HGSNAT: variants seen among roughly 807,000 people sequenced by gnomAD.
The protein encoded by HGSNAT is heparan-alpha-glucosaminide N-acetyltransferase, also known as transmembrane protein 76.
A neutral mutation model predicts 85.2 loss-of-function variants in HGSNAT; 59 were observed. The ratio of observed to expected loss-of-function variants is 0.69; its 90% confidence interval spans 0.56 to 0.86. The LOEUF (loss-of-function observed/expected upper bound fraction) is 0.86. HGSNAT is among the 40% of genes least tolerant of loss of function. The pLI, the probability that HGSNAT is intolerant of heterozygous loss-of-function variation, is 0.00. For missense variants in HGSNAT, 756 were observed against 777.1 expected (o/e 0.97, Z 0.32); for synonymous variants, 321 against 304.5 (o/e 1.05, Z -0.56).
At chr8:43,148,851 G>T (rs986481677) in intron 2 of HGSNAT, among the ~76,000 whole-genome samples, 1 of 151,376 alleles carries the variant, frequency 6.6e-6, no homozygotes, top group Non-Finnish European at 1.5e-5. Flanking sequence ...GTGCACGGTG[G>T]CTCACTCTTA....
chr8:43,187,773 T>C (rs1225104270), intron 11 of HGSNAT, among the ~76,000 whole-genome samples: 1 of 152,232 alleles, frequency 6.6e-6, no homozygotes, highest in Non-Finnish European at 1.5e-5. Context: ...TTTTGCAGTG[T>C]CTGGTACCGG....
At chr8:43,167,381 C>A (rs1356345972) in intron 5 of HGSNAT, among the ~76,000 whole-genome samples, 1 of 152,204 alleles carries the variant, frequency 6.6e-6, no homozygotes, top group Non-Finnish European at 1.5e-5. Context: ...ACAGCCACCT[C>A]AACCTACGGC....
At chr8:43,196,399 G>T (rs1191475472) in intron 14 of HGSNAT, 4 of 1,212,068 alleles carry the variant, frequency 3.3e-6, no homozygotes, top group Admixed American at 2.3e-5. Context: ...CCCTGCCTCT[G>T]GTTCCACCCT....
At chr8:43,142,806 G>GA (rs970879650) in intron 1 of HGSNAT, among the ~76,000 whole-genome samples, 2 of 152,170 alleles carry the variant, frequency 1.3e-5, no homozygotes. Context: ...TAGTAACAAT[G>GA]ACAATGAAGA....
chr8:43,173,888 C>A, intron 9 of HGSNAT, 145 bp downstream of exon 9: 1 of 816,210 alleles, frequency 1.2e-6, no homozygotes, highest in South Asian at 1.7e-5. Context: ...GGATAGTTCT[C>A]ATACTTGACC....
At chr8:43,147,303 C>A (rs1000392387) in intron 2 of HGSNAT, among the ~76,000 whole-genome samples, 2 of 152,150 alleles carry the variant, frequency 1.3e-5, no homozygotes, top group African/African-American at 4.8e-5. Context: ...GGATGAACAA[C>A]CTTGATAGAC....
At chr8:43,181,886 T>A (rs1316334156) in intron 10 of HGSNAT, 1 of 490,034 alleles carries the variant, frequency 2.0e-6, no homozygotes, top group African/African-American at 1.9e-5. Context: ...TCCCAGTCTC[T>A]CATCTGGCCA....
chr8:43,191,033 A>G (rs1023205027), intron 11 of HGSNAT, among the ~76,000 whole-genome samples: 6 of 152,070 alleles, frequency 3.9e-5, no homozygotes, highest in African/African-American at 1.2e-4. Flanking sequence ...GGCTGCTTCC[A>G]CTTAGCATAT....
chr8:43,191,207 A>G (rs1804515220), intron 11 of HGSNAT, among the ~76,000 whole-genome samples: 1 of 152,154 alleles, frequency 6.6e-6, no homozygotes, highest in African/African-American at 2.4e-5. Flanking sequence ...TCCTATATGT[A>G]TGTGTACAAG....
intron 1 of HGSNAT, among the ~76,000 whole-genome samples, chr8:43,142,411 C>T (rs1043025513): frequency 1.3e-5 from 2 of 152,012 alleles, no homozygotes; most frequent in Non-Finnish European, 2.9e-5. Context: ...TATTTGATGA[C>T]TTATTTGATG....
chr8:43,150,834 AAAATAAATAAAT>A lies in HGSNAT; in HGVS notation c.234+3795_234+3806del, dbSNP rs144266684. The stretch of plus-strand genomic sequence containing the variant: ...GGGTGACAGAGCGAGACTCCGTTTC[AAAATAAATAAAT>A]AAATAAATAAATAAATAAATAAAAT... On this transcript the variant is annotated intron_variant, in intron 2 of 17. Coordinates refer to ENST00000379644, the MANE Select transcript of HGSNAT (RefSeq NM_152419.3). 1.9e-3 allele frequency among the ~76,000 whole-genome samples: 279 copies of A among 147,178 alleles called. 3 individuals are homozygous for A. Among genetic ancestry groups the A allele is most frequent in the Middle Eastern group, 0.014 (4 of 286 alleles).
Position 43,197,693 on chromosome 8 carries a change from A to G in HGSNAT, c.1564A>G (p.Thr522Ala). Residue 522 changes from threonine to alanine, a missense_variant, in exon 16 of 18, where the codon ACG becomes GCG. Physicochemically the swap from Thr to Ala is moderately conservative, Grantham distance 58 (BLOSUM62 0). Coordinates refer to ENST00000379644, the MANE Select transcript of HGSNAT (RefSeq NM_152419.3). ...CILGLISVAL[T>A]KVSENEGFIP... ...ACAGGGGCTCATTTCTGTTGCTCTG[A>G]CGAAGGTTTCTGAAAATGAAGGCTT... 6 of 1,613,152 alleles carry G rather than the reference A, an allele frequency of 3.7e-6. No individual in the cohort carries two copies. The highest frequency in any genetic ancestry group is 5.1e-6 in the Non-Finnish European group (6 of 1,179,110).
intron 1 of HGSNAT, 82 bp from the exon 2 acceptor site, chr8:43,146,866 G>A: frequency 1.3e-6 from 1 of 758,800 alleles, no homozygotes; most frequent in Non-Finnish European, 2.1e-6. Context: ...GGAAGCAACT[G>A]TTCACACGAA....
intron 1 of HGSNAT, among the ~76,000 whole-genome samples, chr8:43,143,936 A>G (rs1802633193): frequency 6.6e-6 from 1 of 152,090 alleles, no homozygotes; most frequent in African/African-American, 2.4e-5. Flanking sequence ...CAACCATCAC[A>G]GTTGTCATTA....
rs540422228 is a variant in HGSNAT, at chr8:43,163,371, G to A, written c.563+1864G>A. 2.0e-5 allele frequency among the ~76,000 whole-genome samples: 3 copies of A among 152,146 alleles called. No homozygotes were observed. The South Asian group carries it at 6.2e-4, about 32-fold the overall frequency. ...GCCCCCTCGCTTTCCAACATACCCA[G>A]GGAGGTTCAGATGACTGTGAGCCAA... On this transcript the variant is annotated intron_variant, in intron 5 of 17. Transcript: ENST00000379644.
chr8:43,194,314 C>T (rs1249301560), intron 14 of HGSNAT: 1 of 833,876 alleles, frequency 1.2e-6, no homozygotes, highest in Non-Finnish European at 1.4e-6. Flanking sequence ...AGGAGTATGG[C>T]TTGAACCAAG....
At chr8:43,145,345 A>G (rs1057483417) in intron 1 of HGSNAT, among the ~76,000 whole-genome samples, 1 of 152,188 alleles carries the variant, frequency 6.6e-6, no homozygotes, top group Admixed American at 6.6e-5. Context: ...CCATGGCTCA[A>G]TCTCTACCCC....
intron 11 of HGSNAT, among the ~76,000 whole-genome samples, chr8:43,183,683 C>T (rs937566027): frequency 1.3e-5 from 2 of 152,042 alleles, no homozygotes; most frequent in Admixed American, 6.6e-5. Context: ...ATGTGCACAA[C>T]GTGCAGGTTT....
In HGSNAT at chr8:43,199,686, C is replaced by A; in HGVS notation, c.*117C>A. 1 of 733,888 alleles carries A rather than the reference C, an allele frequency of 1.4e-6. No individual in the cohort carries two copies. The highest frequency in any genetic ancestry group is 2.0e-6 in the Non-Finnish European group (1 of 495,184). The allele number at this position is 733,888 out of a possible 1,614,324, so 45.5% of individuals were successfully genotyped here. ...AATTGACTGGCTGCGTGTTTACAGACTCTGGGGGAAGACACTGATGTCCTC... is the reference window on the plus strand; with the variant it reads ...AATTGACTGGCTGCGTGTTTACAGAATCTGGGGGAAGACACTGATGTCCTC... On this transcript the variant is annotated 3_prime_UTR_variant, in exon 18 of 18. Coordinates refer to ENST00000379644, the MANE Select transcript of HGSNAT (RefSeq NM_152419.3).
Sources: allele counts gnomAD v4.1 joint callset (sites outside exome capture counted in the v4.1 genomes callset), GRCh38; gene constraint gnomAD v4.1.1; transcripts MANE v1.5; gene names NCBI Gene and HGNC (gene_info 2026-07-23, HGNC 2026-07-21).